The following CDKAL1 variants were observed in gnomAD, a reference collection of about 807,000 sequenced individuals.
CDKAL1 encodes the protein CDKAL1 threonylcarbamoyladenosine tRNA methylthiotransferase, also known as threonylcarbamoyladenosine tRNA methylthiotransferase.
Under a neutral mutation model 68.2 loss-of-function variants are expected in CDKAL1, and 32 were observed. The ratio of observed to expected loss-of-function variants is 0.47; its 90% confidence interval spans 0.35 to 0.63. CDKAL1 has a LOEUF of 0.63. CDKAL1 is among the 30% of genes least tolerant of loss of function. CDKAL1 has a pLI of 0.00. For missense variants in CDKAL1, 606 were observed against 696.7 expected, an observed-to-expected ratio of 0.87 and a Z score of 1.47; for synonymous variants, 234 against 244.3, an observed-to-expected ratio of 0.96 and a Z score of 0.39.
intron 8 of CDKAL1, among the ~76,000 whole-genome samples, chr6:20,835,796 T>G (rs1777914404): frequency 6.6e-6 from 1 of 152,098 alleles, no homozygotes; most frequent in Admixed American, 6.6e-5. Context: ...GTGATCCACC[T>G]GCCTCGGCCT....
chr6:21,134,829 GA>G (rs1775503811), intron 13 of CDKAL1, among the ~76,000 whole-genome samples: 1 of 151,964 alleles, frequency 6.6e-6, no homozygotes, highest in Admixed American at 6.6e-5. Flanking sequence ...TAGAAAGCTG[GA>G]AAAAAATAAT....
rs145296385 is a variant in CDKAL1 at position 20,686,472 on chromosome 6, C to T, written c.371+37095C>T. On this transcript the variant is annotated intron_variant, in intron 5 of 15. Coordinates refer to ENST00000274695, the MANE Select transcript of CDKAL1 (RefSeq NM_017774.3). ...ATCCAGGTTGCCTGATGATCTGTCACTGTCTCCCATCACCCCCAGATGGGA... is the reference window on the plus strand; with the variant it reads ...ATCCAGGTTGCCTGATGATCTGTCATTGTCTCCCATCACCCCCAGATGGGA... 2.0e-3 allele frequency among the ~76,000 whole-genome samples: 302 copies of T among 152,332 alleles called. 2 individuals are homozygous for T. The highest frequency in any genetic ancestry group is 6.9e-3 in the African/African-American group (286 of 41,572).
chr6:21,172,386 C>T (rs1777424724), intron 13 of CDKAL1, among the ~76,000 whole-genome samples: 1 of 152,158 alleles, frequency 6.6e-6, no homozygotes, highest in African/African-American at 2.4e-5. Context: ...CTAGTGGGAT[C>T]ATTTTCTGTA....
At chr6:20,585,347 C>T (rs886173476) in intron 4 of CDKAL1, among the ~76,000 whole-genome samples, 2 of 152,132 alleles carry the variant, frequency 1.3e-5, no homozygotes, top group African/African-American at 2.4e-5. Flanking sequence ...CCACTGCGCC[C>T]GGCCGATAAT....
intron 12 of CDKAL1, among the ~76,000 whole-genome samples, chr6:21,075,900 T>C (rs1424165344): frequency 6.6e-6 from 1 of 152,186 alleles, no homozygotes; most frequent in Non-Finnish European, 1.5e-5. Flanking sequence ...AGGAGTCTTA[T>C]GACTTGAAAA....
At chr6:20,778,375 A>G (rs970238742) in intron 7 of CDKAL1, among the ~76,000 whole-genome samples, 2 of 152,256 alleles carry the variant, frequency 1.3e-5, no homozygotes, top group African/African-American at 4.8e-5. Flanking sequence ...ATATTTATAA[A>G]TCATATATCT....
At chr6:20,844,873 A>G (rs2150492216) in intron 8 of CDKAL1, among the ~76,000 whole-genome samples, 1 of 152,334 alleles carries the variant, frequency 6.6e-6, no homozygotes, top group East Asian at 1.9e-4. Flanking sequence ...AACAACTGGG[A>G]GACTAGAACC....
chr6:20,630,678 C>G (rs1037373088), intron 4 of CDKAL1, among the ~76,000 whole-genome samples: 2 of 152,052 alleles, frequency 1.3e-5, no homozygotes, highest in African/African-American at 4.8e-5. Context: ...GTGAAGACAT[C>G]CCATATCACA....
chr6:20,602,384 A>T (rs548968632), intron 4 of CDKAL1, among the ~76,000 whole-genome samples: 1 of 152,098 alleles, frequency 6.6e-6, no homozygotes, highest in Non-Finnish European at 1.5e-5. Context: ...TCATTATAAT[A>T]TGAAAATCAG....
intron 8 of CDKAL1, among the ~76,000 whole-genome samples, chr6:20,844,391 G>C (rs1440041084): frequency 6.6e-6 from 1 of 152,080 alleles, no homozygotes; most frequent in Non-Finnish European, 1.5e-5. Flanking sequence ...GGGGCAGCTT[G>C]GTATGGAAAG....
chr6:20,695,589 A>G (rs963343726), intron 5 of CDKAL1, among the ~76,000 whole-genome samples: 2 of 152,102 alleles, frequency 1.3e-5, no homozygotes, highest in African/African-American at 2.4e-5. Flanking sequence ...TTGCACCACT[A>G]GTTTCTTCAT....
chr6:21,060,702 G>C (rs2150926075), intron 11 of CDKAL1, among the ~76,000 whole-genome samples: 1 of 152,114 alleles, frequency 6.6e-6, no homozygotes, highest in African/African-American at 2.4e-5. Flanking sequence ...GATGTGTTAT[G>C]ATTTCATTTT....
At chr6:21,195,332 T>G (rs1778418491) in intron 13 of CDKAL1, among the ~76,000 whole-genome samples, 1 of 151,774 alleles carries the variant, frequency 6.6e-6, no homozygotes, top group African/African-American at 2.4e-5. Flanking sequence ...CTGGCTAACT[T>G]TTGTATTTTT....
At chr6:20,889,231 T>C (rs1761252297) in intron 9 of CDKAL1, among the ~76,000 whole-genome samples, 1 of 151,792 alleles carries the variant, frequency 6.6e-6, no homozygotes, top group African/African-American at 2.4e-5. Context: ...TGTTTTTTTC[T>C]TGTAAATTTG....
intron 9 of CDKAL1, among the ~76,000 whole-genome samples, chr6:20,943,632 G>A (rs1764097431): frequency 6.6e-6 from 1 of 150,914 alleles, no homozygotes. Flanking sequence ...GTTCCACTAG[G>A]TTCTTTTCAA....
At chr6:20,653,304 C>T (rs993657234) in intron 5 of CDKAL1, among the ~76,000 whole-genome samples, 3 of 152,104 alleles carry the variant, frequency 2.0e-5, no homozygotes, top group East Asian at 1.9e-4. Flanking sequence ...TTTCTTTTCA[C>T]GAATGGATGT....
At chr6:20,792,230 A>G (rs1267806244) in intron 8 of CDKAL1, among the ~76,000 whole-genome samples, 1 of 152,206 alleles carries the variant, frequency 6.6e-6, no homozygotes, top group Non-Finnish European at 1.5e-5. Context: ...GCAATAGTGC[A>G]TGTAGTTAAG....
chr6:20,989,146 A>AG (rs1206537333), intron 10 of CDKAL1, among the ~76,000 whole-genome samples: 1 of 152,150 alleles, frequency 6.6e-6, no homozygotes, highest in Non-Finnish European at 1.5e-5. Context: ...CAGTAAAAAA[A>AG]AATACCTATG....
At chr6:20,987,138 T>C (rs887815629) in intron 10 of CDKAL1, among the ~76,000 whole-genome samples, 28 of 152,364 alleles carry the variant, frequency 1.8e-4, no homozygotes, top group African/African-American at 6.3e-4. Context: ...TTTGGGGTTA[T>C]TGTTCTGTGG....
Sources: gnomAD v4.1 joint callset for allele counts (sites outside exome capture counted in the v4.1 genomes callset) on GRCh38, gnomAD v4.1.1 for gene constraint, MANE v1.5 for transcripts, NCBI Gene and HGNC (gene_info 2026-07-23, HGNC 2026-07-21) for gene names.